The following MTMR4 variants were observed in gnomAD, a reference collection of about 807,000 sequenced individuals.
MTMR4 encodes phosphatidylinositol-3,5-bisphosphate 3-phosphatase MTMR4.
MTMR4 carries 30 observed loss-of-function variants against 125.5 expected under a neutral mutation model. That is an observed-to-expected ratio of 0.24 (90% confidence interval 0.18 to 0.32). MTMR4 has a LOEUF of 0.32. MTMR4 is among the 10% of genes least tolerant of loss of function. The pLI, the probability that MTMR4 is intolerant of heterozygous loss-of-function variation, is 1.00. For missense variants in MTMR4, 1,039 were observed against 1,511.5 expected (o/e 0.69, Z 5.18); for synonymous variants, 498 against 564.5 (o/e 0.88, Z 1.67).
At position 58,506,813 on chromosome 17, in the gene MTMR4, C is replaced by A. The variant is rs751302210; in HGVS notation, c.963G>T (p.Leu321=). ...VESTAAPQKL[L]ILDARSYTAA... ...CCGTGTAGGATCGCGCATCCAGGAT[C>A]AGCAGCTTTTGAGGAGCTGCTGTGC... is the stretch of plus-strand genomic sequence containing the variant. The change falls in exon 9 of 18, where the codon CTG becomes CTT. Residue 321 remains leucine, a synonymous_variant. Coordinates refer to ENST00000682306, the MANE Select transcript of MTMR4 (RefSeq NM_001378067.1). The A allele has an allele frequency of 6.2e-7, 1 of 1,613,920 alleles. No individual in the cohort carries two copies. The highest frequency in any genetic ancestry group is 1.1e-5 in the South Asian group (1 of 91,064).
chr17:58,507,813 C>T (rs1975816087), intron 7 of MTMR4, among the ~76,000 whole-genome samples: 1 of 152,110 alleles, frequency 6.6e-6, no homozygotes, highest in Non-Finnish European at 1.5e-5. Flanking sequence ...AAACCACTCA[C>T]AGCTTACAAG....
At position 58,512,921 on chromosome 17, in the gene MTMR4, G is replaced by C; in HGVS notation, c.66C>G (p.Ser22Arg). 1 of 1,610,688 alleles carries C rather than the reference G, an allele frequency of 6.2e-7. No homozygotes were observed. Among genetic ancestry groups the C allele is most frequent in the African/African-American group, 1.3e-5 (1 of 74,666 alleles). ...LSCFGEEGPPSLEYIQAKDLF... is the reference protein window; with the variant it reads ...LSCFGEEGPPRLEYIQAKDLF... ...GATCCTTGGCTTGGATGTACTCCAG[G>C]CTGGGGGGCCCCTCCTCACCCTGTA... Residue 22 changes from serine to arginine, a missense_variant, in exon 2 of 18, where the codon AGC (serine) becomes AGG (arginine). This residue lies in a region of MTMR4 where 202 missense variants were observed against 311.9 expected (regional missense o/e 0.65). Coordinates refer to ENST00000682306, the MANE Select transcript of MTMR4 (RefSeq NM_001378067.1). The surrounding 1 kb of genome is among the most constrained non-coding windows in gnomAD (Gnocchi z 4.1).
Position 58,512,698 on chromosome 17 carries a change from C to T in MTMR4, c.135+154G>A, listed in dbSNP as rs1034283595. On this transcript the variant is annotated intron_variant, in intron 2 of 17. Transcript: ENST00000682306. This position sits in a 1 kb window ranked among gnomAD's most constrained non-coding sequence, Gnocchi z 4.1. ...TTTCCTTCCCTGCGGCCAAAGGCTC[C>T]AGGATGCGCAGACAAACCCTCCTCC... 6.6e-6 allele frequency among the ~76,000 whole-genome samples: 1 copy of T among 152,198 alleles called. No individual in the cohort carries two copies. The highest frequency in any genetic ancestry group is 2.4e-5 in the African/African-American group (1 of 41,448).
intron 1 of MTMR4, among the ~76,000 whole-genome samples, chr17:58,513,623 CCCAACCACCAG>C (rs1975995938): frequency 6.6e-6 from 1 of 152,052 alleles, no homozygotes; most frequent in East Asian, 1.9e-4. Flanking sequence ...GAACTCCCCT[CCCAACCACCAG>C]GGAGGGGACC....
At chr17:58,493,415 T>C (rs1975366402) in intron 15 of MTMR4, among the ~76,000 whole-genome samples, 1 of 152,266 alleles carries the variant, frequency 6.6e-6, no homozygotes, top group South Asian at 2.1e-4. Flanking sequence ...TGCAGCAGCA[T>C]GATCACGGCT....
At chr17:58,518,755 G>A (rs538075966), upstream of MTMR4, among the ~76,000 whole-genome samples, 13 of 152,302 alleles carry the variant, frequency 8.5e-5, no homozygotes, top group South Asian at 2.5e-3. Context: ...CAAGACGGAG[G>A]GTGGCCGCTG....
In MTMR4 at chr17:58,495,309, T is replaced by C; in HGVS notation, c.2875A>G (p.Thr959Ala). The C allele has an allele frequency of 6.2e-7, 1 of 1,614,216 alleles. No homozygotes were observed. Among genetic ancestry groups the C allele is most frequent in the South Asian group, 1.1e-5 (1 of 91,088 alleles). Residue 959 changes from threonine (T) to alanine (A), a missense_variant, in exon 15 of 18, where the codon ACA (threonine) becomes GCA (alanine). Thr to Ala is a moderately conservative substitution (Grantham distance 58, BLOSUM62 0). Coordinates refer to ENST00000682306, the MANE Select transcript of MTMR4 (RefSeq NM_001378067.1). ...KRPNSKQMRA[T>A]GPCFGGQWAQ... ...CACTGGCCCCCAAAGCAGGGCCCTG[T>C]GGCCCGCATCTGCTTACTGTTTGGC...
At chr17:58,513,036 C>A (rs1975974875) in intron 1 of MTMR4, 95 bp from the exon 2 acceptor site, 4 of 847,948 alleles carry the variant, frequency 4.7e-6, no homozygotes, top group Middle Eastern at 2.5e-4. Flanking sequence ...CAGATACCCA[C>A]ACACACACAC....
At position 58,512,400 on chromosome 17, in the gene MTMR4, G is replaced by C; in HGVS notation, c.242C>G (p.Ser81Cys). ...AATACAGAAACTCACGTTGATGACA[G>C]AGTCCTTGAATTTGATATGCAGCCG... ...NYRLHIKFKD[S>C]VINVPLRMID... Residue 81 changes from serine (S) to cysteine (C), a missense_variant, in exon 3 of 18, where the codon TCT (serine) becomes TGT (cysteine). This residue lies in a region of MTMR4 where 202 missense variants were observed against 311.9 expected (regional missense o/e 0.65). Coordinates refer to ENST00000682306, the MANE Select transcript of MTMR4 (RefSeq NM_001378067.1). The surrounding 1 kb of genome is among the most constrained non-coding windows in gnomAD (Gnocchi z 4.1). 1 of 1,613,082 alleles carries C rather than the reference G, an allele frequency of 6.2e-7. No homozygotes were observed. The highest frequency in any genetic ancestry group is 8.5e-7 in the Non-Finnish European group (1 of 1,178,998).
chr17:58,518,384 G>A (rs2042052324), upstream of MTMR4, among the ~76,000 whole-genome samples: 1 of 152,132 alleles, frequency 6.6e-6, no homozygotes, highest in Admixed American at 6.5e-5. Context: ...GCTGTCATCC[G>A]GTCCCAACGC....
chr17:58,492,724 C>T, intron 16 of MTMR4, 118 bp downstream of exon 16: 1 of 1,348,440 alleles, frequency 7.4e-7, no homozygotes, highest in Non-Finnish European at 1.1e-6. Flanking sequence ...TACCATTTGC[C>T]TACCAGGCTG....
At position 58,508,136 on chromosome 17, in the gene MTMR4, C is replaced by T; in HGVS notation, c.707+25G>A. On this transcript the variant is annotated intron_variant, in intron 7 of 17. Coordinates refer to ENST00000682306, the MANE Select transcript of MTMR4 (RefSeq NM_001378067.1). This position sits in a 1 kb window ranked among gnomAD's most constrained non-coding sequence, Gnocchi z 4.8. ...CCTTGTTGCATAAGAAATGGCCTCCCTACTTCCCAGCCCCACTGCCTCACC... is the reference window on the plus strand; with the variant it reads ...CCTTGTTGCATAAGAAATGGCCTCCTTACTTCCCAGCCCCACTGCCTCACC... 1 of 1,582,054 alleles carries T rather than the reference C, an allele frequency of 6.3e-7. No individual in the cohort carries two copies. The highest frequency in any genetic ancestry group is 8.7e-7 in the Non-Finnish European group (1 of 1,152,906).
In MTMR4 at chr17:58,500,591, A is replaced by C. The variant is rs1055239000; in HGVS notation, c.1853+3153T>G. Among the ~76,000 whole-genome samples, 3 of 152,088 alleles carry C rather than the reference A, an allele frequency of 2.0e-5. No individual in the cohort carries two copies. The East Asian group carries it at 5.8e-4, about 29-fold the overall frequency. On this transcript the variant is annotated intron_variant, in intron 14 of 17. Transcript: ENST00000682306. ...TGGTGAAACCCCGTCTCTACTAAAA[A>C]TACAAAAAACTAGCCAGGTGTGGTG... is the stretch of plus-strand genomic sequence containing the variant.
intron 9 of MTMR4, among the ~76,000 whole-genome samples, chr17:58,506,342 C>G (rs928646973): frequency 7.2e-5 from 11 of 152,164 alleles, no homozygotes; most frequent in Admixed American, 2.6e-4. Flanking sequence ...CATGCACCAT[C>G]ATGCCCAGCT....
Position 58,504,140 on chromosome 17 carries a change from G to A in MTMR4, c.1608C>T (p.Asn536=), listed in dbSNP as rs1465700365. 6.2e-6 allele frequency: 10 copies of A among 1,612,580 alleles called. No individual in the cohort carries two copies. The highest frequency in any genetic ancestry group is 2.7e-5 in the African/African-American group (2 of 74,812). ...ACACAGAGCAGGTCCGCTTGTAGAT[G>A]TTGCGCTTCTCTCGCTCACAGGGGT... is the stretch of plus-strand genomic sequence containing the variant. ...ANNPCEREKR[N]IYKRTCSVWA... is the part of the protein sequence containing the mutation. The change falls in exon 13 of 18, where the codon AAC becomes AAT. Residue 536 remains asparagine, a synonymous_variant. Coordinates refer to ENST00000682306, the MANE Select transcript of MTMR4 (RefSeq NM_001378067.1). This position sits in a 1 kb window ranked among gnomAD's most constrained non-coding sequence, Gnocchi z 7.1.
At position 58,514,318 on chromosome 17, in the gene MTMR4, G is replaced by T. The variant is rs1020252347; in HGVS notation, c.45+45C>A. 1.2e-5 allele frequency: 12 copies of T among 988,272 alleles called. 2 individuals carry two copies. The South Asian group carries it at 4.1e-4, about 34-fold the overall frequency. 61.2% of individuals were successfully genotyped at this position (988,272 alleles called of 1,614,324 possible). A position where few individuals can be genotyped will look rare whatever the true frequency, so the allele number is the denominator to read the frequency against. On this transcript the variant is annotated intron_variant, in intron 1 of 17. Coordinates refer to ENST00000682306, the MANE Select transcript of MTMR4 (RefSeq NM_001378067.1). ...AAATCGAGGGCTGACCCTGGGCGGGGCTGCGGGTGCCTCCTAGGCCCCCAA... is the reference window on the plus strand; with the variant it reads ...AAATCGAGGGCTGACCCTGGGCGGGTCTGCGGGTGCCTCCTAGGCCCCCAA...
chr17:58,502,519 T>TAAA (rs5821237), intron 14 of MTMR4, among the ~76,000 whole-genome samples: 7 of 144,650 alleles, frequency 4.8e-5, no homozygotes, highest in South Asian at 2.2e-4. Context: ...CCTGTAATGA[T>TAAA]AAAAAAAAAA....
At position 58,499,818 on chromosome 17, in the gene MTMR4, G is replaced by A. The variant is rs1199666574; in HGVS notation, c.1854-3488C>T. 2.7e-5 allele frequency among the ~76,000 whole-genome samples: 4 copies of A among 147,016 alleles called. No homozygotes were observed. The East Asian group carries it at 8.1e-4, about 30-fold the overall frequency. On this transcript the variant is annotated intron_variant, in intron 14 of 17. Transcript: ENST00000682306. ...TTTTTTTTTTTGTATTTTTAGTAGA[G>A]ACGGGGTTTCACCGTGTTAGCCAGG...
At chr17:58,501,580 T>C (rs1338310176) in intron 14 of MTMR4, among the ~76,000 whole-genome samples, 1 of 151,636 alleles carries the variant, frequency 6.6e-6, no homozygotes, top group Non-Finnish European at 1.5e-5. Context: ...TGTGTGTATA[T>C]ATATAGTATA....
Sources: allele counts gnomAD v4.1 joint callset (sites outside exome capture counted in the v4.1 genomes callset), GRCh38; gene constraint gnomAD v4.1.1; regional missense constraint gnomAD v4.1.1; non-coding constraint Gnocchi (gnomAD v3.1); transcripts MANE v1.5; gene names NCBI Gene and HGNC (gene_info 2026-07-23, HGNC 2026-07-21).